Variants in KIAA0513 observed in about 807,000 individuals in gnomAD.
KIAA0513 encodes uncharacterized protein KIAA0513.
A neutral mutation model predicts 56.5 loss-of-function variants in KIAA0513; 39 were observed. The observed-to-expected ratio is 0.69, with a 90% CI of 0.53 to 0.90. The LOEUF is 0.90. Among genes scored for constraint, KIAA0513 ranks in the 40% least tolerant of loss-of-function variants. The probability of loss-of-function intolerance (pLI) is 0.00; values close to 1 mark genes in which losing one functional copy is unlikely to be tolerated. For missense variants in KIAA0513, 591 were observed against 535.2 expected, an observed-to-expected ratio of 1.10 and a Z score of -1.03; for synonymous variants, 268 against 215.6, an observed-to-expected ratio of 1.24 and a Z score of -2.13.
intron 1 of KIAA0513, among the ~76,000 whole-genome samples, chr16:85,048,634 T>C (rs2073204712): frequency 6.6e-6 from 1 of 152,190 alleles, no homozygotes; most frequent in African/African-American, 2.4e-5. Context: ...ATCCCAGCAC[T>C]TTGGGAGGCT....
intron 1 of KIAA0513, among the ~76,000 whole-genome samples, chr16:85,052,491 G>C (rs550512603): frequency 6.6e-6 from 1 of 152,178 alleles, no homozygotes; most frequent in South Asian, 2.1e-4. Flanking sequence ...TCCAGCCTGG[G>C]CAACAAGAGC....
At chr16:85,085,758 A>G (rs2073800705) in intron 10 of KIAA0513, among the ~76,000 whole-genome samples, 1 of 152,236 alleles carries the variant, frequency 6.6e-6, no homozygotes. Flanking sequence ...CGTCTAAAGC[A>G]CGCAGCAGGT....
rs957854193 is a variant in KIAA0513 at position 85,093,054 on chromosome 16, C to A, written c.*4729C>A. 6.6e-6 allele frequency: 1 copy of A among 152,468 alleles called. No homozygotes were observed. The highest frequency in any genetic ancestry group is 1.9e-4 in the East Asian group (1 of 5,170). The allele number at this position is 152,468 out of a possible 1,614,324, so 9.4% of individuals were successfully genotyped here. A position where few individuals can be genotyped will look rare whatever the true frequency, so the allele number is the denominator to read the frequency against. The stretch of plus-strand genomic sequence containing the variant: ...TCTCCAGGAAAGGGACGGAATCAAT[C>A]CTGTGACCGATGGGCTCGCAAGGAT... On this transcript the variant is annotated 3_prime_UTR_variant, in exon 13 of 13. Transcript: ENST00000683363.
chr16:85,028,173 C>T (rs959658748), intron 1 of KIAA0513, among the ~76,000 whole-genome samples: 1 of 152,190 alleles, frequency 6.6e-6, no homozygotes, highest in African/African-American at 2.4e-5. Flanking sequence ...GGGCCGCTGC[C>T]TGGAGGAGGC....
chr16:85,078,127 C>T (rs576840824), intron 6 of KIAA0513, among the ~76,000 whole-genome samples: 1 of 152,258 alleles, frequency 6.6e-6, no homozygotes, highest in East Asian at 1.9e-4. Flanking sequence ...CCCCCGGGGT[C>T]CCCTGTTCCC....
chr16:85,031,723 C>T (rs1247363610), intron 1 of KIAA0513, among the ~76,000 whole-genome samples: 1 of 152,228 alleles, frequency 6.6e-6, no homozygotes, highest in African/African-American at 2.4e-5. Context: ...GGCCAGCTTC[C>T]TGTCATTCAG....
chr16:85,067,479 C>G (rs1567536817), intron 2 of KIAA0513, 79 bp downstream of exon 2: 1 of 1,201,492 alleles, frequency 8.3e-7, no homozygotes, highest in Non-Finnish European at 1.2e-6. Flanking sequence ...TCGGCTCTGC[C>G]TCTCCCCAGG....
chr16:85,057,574 T>C (rs1040947292), intron 1 of KIAA0513, among the ~76,000 whole-genome samples: 1 of 152,188 alleles, frequency 6.6e-6, no homozygotes, highest in Non-Finnish European at 1.5e-5. Flanking sequence ...GGCCTGACCC[T>C]GTTCCAGTCC....
At position 85,089,802 on chromosome 16, in the gene KIAA0513, G is replaced by A. The variant is rs2073850062; in HGVS notation, c.*1477G>A. The A allele has an allele frequency of 6.6e-6, 1 of 152,168 alleles. No homozygotes were observed. Among genetic ancestry groups the A allele is most frequent in the African/African-American group, 2.4e-5 (1 of 41,430 alleles). The allele number at this position is 152,168 out of a possible 1,614,324, so 9.4% of individuals were successfully genotyped here. ...CCTCCGGGGAATGCCTCCCTGGAAT[G>A]TTCCAGAGACGGAACATTCTCTAGA... On this transcript the variant is annotated 3_prime_UTR_variant, in exon 13 of 13. Coordinates refer to ENST00000683363, the MANE Select transcript of KIAA0513 (RefSeq NM_001388359.1). This position sits in a 1 kb window ranked among gnomAD's most constrained non-coding sequence, Gnocchi z 4.2.
At chr16:85,066,578 T>C (rs1487626070) in intron 1 of KIAA0513, among the ~76,000 whole-genome samples, 1 of 152,192 alleles carries the variant, frequency 6.6e-6, no homozygotes, top group Non-Finnish European at 1.5e-5. Flanking sequence ...TGATCCTCCG[T>C]TTCCAGCCCA....
intron 7 of KIAA0513, 114 bp from the exon 8 acceptor site, chr16:85,078,811 C>T (rs931800450): frequency 7.0e-6 from 8 of 1,139,050 alleles, no homozygotes; most frequent in South Asian, 3.9e-5. Context: ...GTTTGCATCA[C>T]GTGTTTCAGT....
At position 85,067,185 on chromosome 16, in the gene KIAA0513, G is replaced by C. The variant is rs757326929; in HGVS notation, c.114G>C (p.Leu38=). ...PPVLQDGDGS[L]GDGASESETT... ...TGCTGCAGGACGGCGATGGCTCCCT[G>C]GGGGACGGTGCATCAGAGAGTGAGA... The change falls in exon 2 of 13, where the codon CTG becomes CTC. Residue 38 remains leucine, a synonymous_variant. Coordinates refer to ENST00000683363, the MANE Select transcript of KIAA0513 (RefSeq NM_001388359.1). 8 of 1,614,046 alleles carry C rather than the reference G, an allele frequency of 5.0e-6. No homozygotes were observed. The African/African-American group carries it at 9.3e-5, about 19-fold the overall frequency.
chr16:85,048,426 G>C (rs972316933), intron 1 of KIAA0513, among the ~76,000 whole-genome samples: 2 of 152,220 alleles, frequency 1.3e-5, no homozygotes, highest in Non-Finnish European at 2.9e-5. Flanking sequence ...CCCATGTGCA[G>C]AGCCTCATGC....
chr16:85,057,043 T>G (rs1317732228), intron 1 of KIAA0513, among the ~76,000 whole-genome samples: 2 of 152,210 alleles, frequency 1.3e-5, no homozygotes, highest in Non-Finnish European at 2.9e-5. Context: ...GTGTACAGTG[T>G]CTGAAGACTG....
At position 85,088,121 on chromosome 16, in the gene KIAA0513, G is replaced by A. The variant is rs558749085; in HGVS notation, c.1187-155G>A. 4.6e-5 allele frequency among the ~76,000 whole-genome samples: 7 copies of A among 152,376 alleles called. No individual in the cohort carries two copies. In the East Asian group the frequency reaches 5.8e-4, roughly 13 times the overall value. On this transcript the variant is annotated intron_variant, in intron 12 of 12. Coordinates refer to ENST00000683363, the MANE Select transcript of KIAA0513 (RefSeq NM_001388359.1). ...ATGGCACAGCCCTGCCCTGAAGCAC[G>A]CAAGCCGTGTGGCCTGCAGAAGGCA...
At chr16:85,032,627 TC>T (rs1226323325) in intron 1 of KIAA0513, among the ~76,000 whole-genome samples, 2 of 151,990 alleles carry the variant, frequency 1.3e-5, no homozygotes, top group Non-Finnish European at 2.9e-5. Context: ...ACTAATTACA[TC>T]CACAAAGACC....
At chr16:85,070,663 G>A (rs868793692) in intron 2 of KIAA0513, among the ~76,000 whole-genome samples, 3 of 152,350 alleles carry the variant, frequency 2.0e-5, no homozygotes, top group Middle Eastern at 3.4e-3. Context: ...GCGCAAGACA[G>A]AGCGAGACTC....
intron 1 of KIAA0513, among the ~76,000 whole-genome samples, chr16:85,052,828 C>T: frequency 6.6e-6 from 1 of 152,154 alleles, no homozygotes; most frequent in East Asian, 1.9e-4. Flanking sequence ...CAAGCGCGCC[C>T]TCAAGCAGTG....
At chr16:85,061,567 AAG>A (rs1440160446) in intron 1 of KIAA0513, among the ~76,000 whole-genome samples, 2 of 152,182 alleles carry the variant, frequency 1.3e-5, no homozygotes, top group African/African-American at 4.8e-5. Flanking sequence ...GGGACACGAA[AAG>A]AGAGGAGAGT....
Sources: allele counts gnomAD v4.1 joint callset (sites outside exome capture counted in the v4.1 genomes callset), GRCh38; gene constraint gnomAD v4.1.1; non-coding constraint Gnocchi (gnomAD v3.1); transcripts MANE v1.5; gene names NCBI Gene and HGNC (gene_info 2026-07-23, HGNC 2026-07-21).